Variants in SLC4A7 observed in about 807,000 individuals in gnomAD.
SLC4A7 encodes solute carrier family 4 member 7.
Under a neutral mutation model 137.6 loss-of-function variants are expected in SLC4A7, and 51 were observed. That is an observed-to-expected ratio of 0.37 (90% CI 0.30 to 0.47). SLC4A7 has a LOEUF of 0.47. Ranked by LOEUF, SLC4A7 falls within the 20% of genes least tolerant of loss-of-function variation. The probability of loss-of-function intolerance (pLI) is 1.00; values close to 1 mark genes in which losing one functional copy is unlikely to be tolerated. For missense variants in SLC4A7, 1,247 were observed against 1,525.4 expected (o/e 0.82, Z 3.04); for synonymous variants, 542 against 518.6 (o/e 1.05, Z -0.61).
At chr3:27,413,038 A>G (rs2054057651) in intron 11 of SLC4A7, among the ~76,000 whole-genome samples, 2 of 152,166 alleles carry the variant, frequency 1.3e-5, no homozygotes, top group African/African-American at 4.8e-5. Flanking sequence ...ACTTTTAAAG[A>G]CTGCTGTTTG....
chr3:27,447,121 C>T (rs1195826417), intron 3 of SLC4A7, among the ~76,000 whole-genome samples: 1 of 150,900 alleles, frequency 6.6e-6, no homozygotes, highest in African/African-American at 2.4e-5. Flanking sequence ...CTCCTGACCT[C>T]GTGATCCACC....
At chr3:27,421,861 A>ATAAG in intron 8 of SLC4A7, 82 bp from the exon 9 acceptor site, 1 of 975,760 alleles carries the variant, frequency 1.0e-6, no homozygotes, top group Admixed American at 2.5e-5. Context: ...AAACTGCTTT[A>ATAAG]TAAGACTACT....
intron 22 of SLC4A7, among the ~76,000 whole-genome samples, chr3:27,388,361 G>GT (rs1005869707): frequency 5.3e-5 from 8 of 152,210 alleles, no homozygotes; most frequent in African/African-American, 1.9e-4. Flanking sequence ...ACTTGTCAGT[G>GT]TTTTTTGAGA....
intron 14 of SLC4A7, 152 bp downstream of exon 14, chr3:27,404,678 G>A: frequency 1.7e-6 from 1 of 590,074 alleles, no homozygotes; most frequent in Non-Finnish European, 2.9e-6. Context: ...GAATGGAAGG[G>A]GCCAGAGGAT....
At chr3:27,388,408 G>A in intron 22 of SLC4A7, among the ~76,000 whole-genome samples, 1 of 152,240 alleles carries the variant, frequency 6.6e-6, no homozygotes, top group Non-Finnish European at 1.5e-5. Context: ...CTTTGGTCTA[G>A]AATAATTCAA....
At chr3:27,465,668 TAC>T (rs2058946926) in intron 1 of SLC4A7, among the ~76,000 whole-genome samples, 1 of 151,898 alleles carries the variant, frequency 6.6e-6, no homozygotes, top group Admixed American at 6.6e-5. Context: ...TAGAAAACTG[TAC>T]AGGAATTAGG....
chr3:27,404,925 C>T lies in SLC4A7; in HGVS notation c.1980G>A (p.Gly660=). 1 of 1,610,116 alleles carries T rather than the reference C, an allele frequency of 6.2e-7. No homozygotes were observed. The highest frequency in any genetic ancestry group is 8.5e-7 in the Non-Finnish European group (1 of 1,178,692). The stretch of plus-strand genomic sequence containing the variant: ...GCCCAGCAAACAATGAATAGGCAAT[C>T]CCAGTTAATGATGCTCCAAAAAGAG... ...IESLFGASLT[G]IAYSLFAGQP... is the part of the protein sequence containing the mutation. Residue 660 remains glycine, a synonymous_variant, in exon 14 of 26, where the codon GGG becomes GGA. Transcript: ENST00000454389.
chr3:27,402,047 C>A (rs945334270), intron 15 of SLC4A7, among the ~76,000 whole-genome samples: 1 of 152,106 alleles, frequency 6.6e-6, no homozygotes, highest in East Asian at 1.9e-4. Context: ...GGGGGAAGAA[C>A]GAATGAACAA....
At chr3:27,482,637 T>G (rs947535058) in intron 1 of SLC4A7, among the ~76,000 whole-genome samples, 3 of 152,200 alleles carry the variant, frequency 2.0e-5, no homozygotes, top group African/African-American at 7.2e-5. Context: ...CTGGGCATAG[T>G]GGTGCGTGCC....
intron 3 of SLC4A7, among the ~76,000 whole-genome samples, chr3:27,442,581 C>T (rs1017408509): frequency 6.6e-6 from 1 of 151,848 alleles, no homozygotes; most frequent in Non-Finnish European, 1.5e-5. Flanking sequence ...GGTTAATTTT[C>T]GTATTTTTGG....
chr3:27,465,961 AAAAAAG>A (rs1394486877), intron 1 of SLC4A7, among the ~76,000 whole-genome samples: 1 of 138,980 alleles, frequency 7.2e-6, no homozygotes, highest in African/African-American at 2.5e-5. Context: ...CTCAAAAAAA[AAAAAAG>A]AAAGAAAGAA....
At chr3:27,459,223 T>C (rs1369143346) in intron 1 of SLC4A7, among the ~76,000 whole-genome samples, 1 of 152,134 alleles carries the variant, frequency 6.6e-6, no homozygotes, top group Admixed American at 6.5e-5. Context: ...TAGGTGCACG[T>C]AGACTTTTTA....
chr3:27,448,308 G>C (rs562974062), intron 3 of SLC4A7, among the ~76,000 whole-genome samples: 1 of 150,902 alleles, frequency 6.6e-6, no homozygotes, highest in Admixed American at 6.6e-5. Flanking sequence ...GCATATGTAA[G>C]TAATTAAAAA....
chr3:27,375,009 T>G lies in SLC4A7; in HGVS notation c.*1755A>C, dbSNP rs545816992. On this transcript the variant is annotated 3_prime_UTR_variant, in exon 26 of 26. Transcript: ENST00000454389. ...TTAGGCAGTACCAAATGATGACAGC[T>G]ACATATTTTCTAAAGAAAAGCAGCT... 6.6e-6 allele frequency: 1 copy of G among 152,372 alleles called. No homozygotes were observed. Among genetic ancestry groups the G allele is most frequent in the South Asian group, 2.1e-4 (1 of 4,822 alleles). The allele number at this position is 152,372 out of a possible 1,614,324, so 9.4% of individuals were successfully genotyped here. A position where few individuals can be genotyped will look rare whatever the true frequency, so the allele number is the denominator to read the frequency against.
intron 10 of SLC4A7, among the ~76,000 whole-genome samples, 194 bp downstream of exon 10, chr3:27,420,506 A>G (rs966160844): frequency 3.3e-5 from 5 of 152,194 alleles, no homozygotes; most frequent in African/African-American, 1.2e-4. Context: ...TTAAATACCC[A>G]CTGATCTTGA....
chr3:27,405,537 T>C (rs1313954077), intron 13 of SLC4A7, among the ~76,000 whole-genome samples: 1 of 152,216 alleles, frequency 6.6e-6, no homozygotes, highest in Non-Finnish European at 1.5e-5. Context: ...TACTTTTATA[T>C]GGCTGAAATA....
intron 4 of SLC4A7, among the ~76,000 whole-genome samples, chr3:27,437,182 C>T (rs1184665350): frequency 6.6e-6 from 1 of 152,094 alleles, no homozygotes; most frequent in Non-Finnish European, 1.5e-5. Flanking sequence ...GAAACCCCAT[C>T]TCTACTAAAA....
rs2057791733 is a variant in SLC4A7 at position 27,448,038 on chromosome 3, C to G, written c.289+613G>C. Among the ~76,000 whole-genome samples, 3 of 151,584 alleles carry G rather than the reference C, an allele frequency of 2.0e-5. No individual in the cohort carries two copies. In the South Asian group the frequency reaches 6.2e-4, roughly 31 times the overall value. Reference sequence around the variant, plus strand: ...ACCAGCCTGGCCAACATAGTGAAACCCTGTCTCTACTGAAAATACAAAAAT... The same window carrying G: ...ACCAGCCTGGCCAACATAGTGAAACGCTGTCTCTACTGAAAATACAAAAAT... On this transcript the variant is annotated intron_variant, in intron 3 of 25. Coordinates refer to ENST00000454389, the MANE Select transcript of SLC4A7 (RefSeq NM_001321103.2).
At chr3:27,450,133 TA>T (rs1473886565) in intron 2 of SLC4A7, among the ~76,000 whole-genome samples, 1 of 152,178 alleles carries the variant, frequency 6.6e-6, no homozygotes, top group Non-Finnish European at 1.5e-5. Context: ...GCTGCCAATA[TA>T]TTAACCTCAT....
Sources: gnomAD v4.1 joint callset for allele counts (sites outside exome capture counted in the v4.1 genomes callset) on GRCh38, gnomAD v4.1.1 for gene constraint, MANE v1.5 for transcripts, NCBI Gene and HGNC (gene_info 2026-07-23, HGNC 2026-07-21) for gene names.